CLSTN2: variants seen among roughly 807,000 people sequenced by gnomAD.
The protein encoded by CLSTN2 is calsyntenin-2.
A neutral mutation model predicts 101.2 loss-of-function variants in CLSTN2; 48 were observed. The observed-to-expected ratio is 0.47, with a 90% CI of 0.38 to 0.60. CLSTN2 has a LOEUF of 0.60. Ranked by LOEUF, CLSTN2 falls within the 20% of genes least tolerant of loss-of-function variation. CLSTN2 has a pLI of 0.00. For missense variants in CLSTN2, 1,160 were observed against 1,238.2 expected (o/e 0.94, Z 0.95); for synonymous variants, 481 against 463.6 (o/e 1.04, Z -0.48).
In CLSTN2 at chr3:139,940,394, C is replaced by A. The variant is rs111721329; in HGVS notation, c.109+4911C>A. On this transcript the variant is annotated intron_variant, in intron 1 of 16. Coordinates refer to ENST00000458420, the MANE Select transcript of CLSTN2 (RefSeq NM_022131.3). ...CATCTGAGACTCAGTTTCCTCATCT[C>A]TAAAATGGGGATACAGAGATCTACC... Among the ~76,000 whole-genome samples, 1,275 of 152,188 alleles carry A rather than the reference C, an allele frequency of 8.4e-3. 7 individuals carry two copies. The highest frequency in any genetic ancestry group is 0.014 in the Non-Finnish European group (980 of 68,018).
intron 2 of CLSTN2, among the ~76,000 whole-genome samples, chr3:140,397,070 A>G (rs1235163394): frequency 6.6e-6 from 1 of 152,196 alleles, no homozygotes; most frequent in Non-Finnish European, 1.5e-5. Context: ...AATAACAATA[A>G]ACTCAATACA....
intron 1 of CLSTN2, among the ~76,000 whole-genome samples, chr3:140,004,811 G>A (rs1286190294): frequency 6.6e-6 from 1 of 151,496 alleles, no homozygotes; most frequent in Non-Finnish European, 1.5e-5. Flanking sequence ...GGAATTGTTT[G>A]TGGGGGCTCC....
At position 140,414,799 on chromosome 3, in the gene CLSTN2, G is replaced by C. The variant is rs75733225; in HGVS notation, c.638-6326G>C. Among the ~76,000 whole-genome samples, 367 of 152,056 alleles carry C rather than the reference G, an allele frequency of 2.4e-3. 2 individuals are homozygous for C. Among genetic ancestry groups the C allele is most frequent in the African/African-American group, 8.5e-3 (352 of 41,518 alleles). ...TGCAATCTCTATCAAAATTACAATG[G>C]CAGTTTTCATAGTAACAGAAGATAC... On this transcript the variant is annotated intron_variant, in intron 4 of 16. Transcript: ENST00000458420.
At chr3:140,095,536 T>G (rs2008855295) in intron 1 of CLSTN2, among the ~76,000 whole-genome samples, 1 of 152,244 alleles carries the variant, frequency 6.6e-6, no homozygotes, top group South Asian at 2.1e-4. Context: ...TATCTACAAT[T>G]ACTCCACTTC....
intron 4 of CLSTN2, among the ~76,000 whole-genome samples, chr3:140,408,002 C>G (rs1425402884): frequency 6.6e-6 from 1 of 152,140 alleles, no homozygotes; most frequent in African/African-American, 2.4e-5. Flanking sequence ...AGCCTTCATT[C>G]CCCGACAAAG....
intron 1 of CLSTN2, among the ~76,000 whole-genome samples, chr3:139,950,137 A>G (rs1935271984): frequency 6.6e-6 from 1 of 152,184 alleles, no homozygotes; most frequent in African/African-American, 2.4e-5. Flanking sequence ...AACAAACGGG[A>G]GTCTCTCTGA....
Position 140,370,709 on chromosome 3 carries a change from C to T in CLSTN2, c.233-32920C>T, listed in dbSNP as rs370002802. ...AATACACACAGCTGAAAAAAGAGAA[C>T]CATTGGGCCTGCAGAAGAACAAATA... On this transcript the variant is annotated intron_variant, in intron 2 of 16. Transcript: ENST00000458420. 1.1e-4 allele frequency among the ~76,000 whole-genome samples: 17 copies of T among 152,278 alleles called. No homozygotes were observed. In the East Asian group the frequency reaches 3.3e-3, roughly 29 times the overall value.
intron 1 of CLSTN2, among the ~76,000 whole-genome samples, chr3:140,024,057 C>A (rs2007371466): frequency 6.6e-6 from 1 of 152,174 alleles, no homozygotes; most frequent in Admixed American, 6.5e-5. Context: ...CCCGGCTCTG[C>A]TAATTGCATA....
At position 140,407,543 on chromosome 3, in the gene CLSTN2, G is replaced by A. The variant is rs368714322; in HGVS notation, c.637+2777G>A. On this transcript the variant is annotated intron_variant, in intron 4 of 16. Coordinates refer to ENST00000458420, the MANE Select transcript of CLSTN2 (RefSeq NM_022131.3). ...AGTATTCAAGGAGAAGCAGTGTGTG[G>A]GGATATTGTTTGCAGGGTATCTGGC... Among the ~76,000 whole-genome samples, 14 of 152,290 alleles carry A rather than the reference G, an allele frequency of 9.2e-5. No individual in the cohort carries two copies. In the East Asian group the frequency reaches 1.4e-3, roughly 15 times the overall value.
At position 140,541,334 on chromosome 3, in the gene CLSTN2, G is replaced by T. The variant is rs113372782; in HGVS notation, c.1508-5181G>T. On this transcript the variant is annotated intron_variant, in intron 9 of 16. Coordinates refer to ENST00000458420, the MANE Select transcript of CLSTN2 (RefSeq NM_022131.3). ...CTTTCTCACATCCAGCCTTGTTTCA[G>T]TTCAAGTCCCCAGTCAACCTGAGTG... Among the ~76,000 whole-genome samples, 354 of 152,332 alleles carry T rather than the reference G, an allele frequency of 2.3e-3. 1 individual carries two copies. The highest frequency in any genetic ancestry group is 8.0e-3 in the African/African-American group (334 of 41,558).
At chr3:139,967,378 C>G (rs561144721) in intron 1 of CLSTN2, among the ~76,000 whole-genome samples, 1 of 152,212 alleles carries the variant, frequency 6.6e-6, no homozygotes, top group Admixed American at 6.5e-5. Context: ...TTCTATCATA[C>G]TTCTGGGCAT....
Position 139,935,512 on chromosome 3 carries a change from C to CCA in CLSTN2, c.109+30_109+31dup. ...GGTGCTGGGGAAGTTTGCTCTTCTCCCAGGAGGGAGGCAGGGCAGGCTTGA... is the reference window on the plus strand; with the variant it reads ...GGTGCTGGGGAAGTTTGCTCTTCTCCCACAGGAGGGAGGCAGGGCAGGCTTGA... On this transcript the variant is annotated intron_variant, in intron 1 of 16. Coordinates refer to ENST00000458420, the MANE Select transcript of CLSTN2 (RefSeq NM_022131.3). This position sits in a 1 kb window ranked among gnomAD's most constrained non-coding sequence, Gnocchi z 5.5. The CCA allele has an allele frequency of 9.7e-6, 11 of 1,134,332 alleles. No homozygotes were observed. Among genetic ancestry groups the CCA allele is most frequent in the Non-Finnish European group, 1.2e-5 (11 of 898,276 alleles). 70.3% of individuals were successfully genotyped at this position (1,134,332 alleles called of 1,614,324 possible).
intron 8 of CLSTN2, among the ~76,000 whole-genome samples, chr3:140,469,264 T>A (rs1016131657): frequency 3.9e-5 from 6 of 152,196 alleles, no homozygotes; most frequent in Non-Finnish European, 7.3e-5. Context: ...GAAATTAACA[T>A]TTAAAAAGTT....
chr3:139,977,472 T>G (rs1036390881), intron 1 of CLSTN2, among the ~76,000 whole-genome samples: 1 of 150,424 alleles, frequency 6.6e-6, no homozygotes, highest in Non-Finnish European at 1.5e-5. Flanking sequence ...AGATTGATCT[T>G]GAGTAAAATA....
intron 2 of CLSTN2, among the ~76,000 whole-genome samples, chr3:140,221,505 A>G (rs2086273159): frequency 6.6e-6 from 1 of 152,162 alleles, no homozygotes; most frequent in Admixed American, 6.5e-5. Context: ...GTGGCAGTTA[A>G]CACTTCTATA....
intron 1 of CLSTN2, among the ~76,000 whole-genome samples, chr3:140,155,744 G>A (rs571054443): frequency 2.5e-4 from 38 of 152,300 alleles, no homozygotes; most frequent in African/African-American, 8.2e-4. Context: ...ACACTTGCTT[G>A]CTGAGTGACC....
intron 5 of CLSTN2, among the ~76,000 whole-genome samples, chr3:140,446,549 T>A (rs938397532): frequency 1.3e-5 from 2 of 152,174 alleles, no homozygotes; most frequent in Admixed American, 6.5e-5. Flanking sequence ...GGGAACAACA[T>A]TGATCAGTCC....
At chr3:140,346,455 T>C (rs534259511) in intron 2 of CLSTN2, among the ~76,000 whole-genome samples, 4 of 152,276 alleles carry the variant, frequency 2.6e-5, no homozygotes, top group African/African-American at 9.6e-5. Flanking sequence ...CGTGTAACTA[T>C]ACCCTGTTCT....
chr3:140,200,466 A>G (rs1171423708), intron 2 of CLSTN2, among the ~76,000 whole-genome samples: 1 of 152,198 alleles, frequency 6.6e-6, no homozygotes, highest in African/African-American at 2.4e-5. Flanking sequence ...AAGCCATACA[A>G]GAAATAACAG....
Sources: allele counts gnomAD v4.1 joint callset (sites outside exome capture counted in the v4.1 genomes callset), GRCh38; gene constraint gnomAD v4.1.1; non-coding constraint Gnocchi (gnomAD v3.1); transcripts MANE v1.5; gene names NCBI Gene and HGNC (gene_info 2026-07-23, HGNC 2026-07-21).